EPSTI1: variants seen among roughly 807,000 people sequenced by gnomAD.
EPSTI1 encodes the protein epithelial stromal interaction 1.
A neutral mutation model predicts 49.9 loss-of-function variants in EPSTI1; 66 were observed. The ratio of observed to expected loss-of-function variants is 1.32; its 90% CI spans 1.08 to 1.62. The LOEUF is 1.62. EPSTI1 is among the 40% of genes most tolerant of loss of function. The pLI, the probability that EPSTI1 is intolerant of heterozygous loss-of-function variation, is 0.00. For synonymous variants in EPSTI1, 137 were observed against 130.7 expected (o/e 1.05, Z -0.33); for missense variants, 394 against 365.5 (o/e 1.08, Z -0.64).
chr13:42,973,879 C>T (rs1175201908), intron 1 of EPSTI1, among the ~76,000 whole-genome samples: 1 of 152,096 alleles, frequency 6.6e-6, no homozygotes, highest in Non-Finnish European at 1.5e-5. Flanking sequence ...AATGAGTCTC[C>T]TTAATTACCT....
chr13:42,895,542 C>G (rs1383399453), intron 9 of EPSTI1, among the ~76,000 whole-genome samples: 1 of 152,186 alleles, frequency 6.6e-6, no homozygotes, highest in Non-Finnish European at 1.5e-5. Flanking sequence ...CCTATATTCC[C>G]TGCACTCCAC....
chr13:42,952,229 C>G (rs2039120511), intron 6 of EPSTI1, among the ~76,000 whole-genome samples: 1 of 152,178 alleles, frequency 6.6e-6, no homozygotes, highest in Non-Finnish European at 1.5e-5. Context: ...TGTTTGGGTC[C>G]CCTTCCATGC....
chr13:42,912,067 T>C (rs1296801624), intron 8 of EPSTI1, among the ~76,000 whole-genome samples: 1 of 152,210 alleles, frequency 6.6e-6, no homozygotes, highest in Admixed American at 6.5e-5. Flanking sequence ...ATTTTGACTG[T>C]AAAATCAATG....
At chr13:42,960,455 T>C (rs1434960110) in intron 5 of EPSTI1, among the ~76,000 whole-genome samples, 1 of 152,238 alleles carries the variant, frequency 6.6e-6, no homozygotes, top group African/African-American at 2.4e-5. Flanking sequence ...GCTTTTTTAC[T>C]CTAATGCTCT....
rs780405135 is a variant in EPSTI1 at position 42,917,572 on chromosome 13, A to C, written c.710T>G (p.Leu237Trp). The change falls in exon 8 of 11, where the codon TTG (leucine) becomes TGG (tryptophan). Residue 237 changes from leucine (L) to tryptophan (W), a missense_variant. By Grantham distance (61) the Leu-to-Trp change is moderately conservative. Coordinates refer to ENST00000313624, the MANE Select transcript of EPSTI1 (RefSeq NM_033255.5). The stretch of plus-strand genomic sequence containing the variant: ...ATGTTGTTCATCCTTCATCTTTTGC[A>C]ATTTTCTGTTTTCTTCTGCCTTTAG... The part of the protein sequence containing the change: ...DSLKAEENRK[L>W]QKMKDEQHQK... 6 of 1,481,258 alleles carry C rather than the reference A, an allele frequency of 4.1e-6. No individual in the cohort carries two copies. The highest frequency in any genetic ancestry group is 3.6e-5 in the Admixed American group (2 of 55,198). 91.8% of individuals were successfully genotyped at this position (1,481,258 alleles called of 1,614,324 possible).
At chr13:42,924,500 T>C (rs1010852994) in intron 7 of EPSTI1, among the ~76,000 whole-genome samples, 1 of 152,176 alleles carries the variant, frequency 6.6e-6, no homozygotes, top group African/African-American at 2.4e-5. Flanking sequence ...CATTGCAGGA[T>C]ACAGGGAGCC....
At chr13:42,956,149 C>G (rs1208070454) in intron 5 of EPSTI1, among the ~76,000 whole-genome samples, 1 of 152,134 alleles carries the variant, frequency 6.6e-6, no homozygotes, top group Non-Finnish European at 1.5e-5. Context: ...TATGGATTGT[C>G]AGGAAATGCT....
rs556482862 is a variant in EPSTI1 at position 42,988,499 on chromosome 13, G to A, written c.188+3479C>T. ...TGTAATCCCAGCACTTTGGGAGGCC[G>A]AGGCAGGCAGATCACAAGGTCAGGA... On this transcript the variant is annotated intron_variant, in intron 1 of 10. Transcript: ENST00000313624. 1.3e-4 allele frequency among the ~76,000 whole-genome samples: 20 copies of A among 152,248 alleles called. 1 individual carries two copies. In the South Asian group the frequency reaches 2.9e-3, roughly 22 times the overall value.
intron 3 of EPSTI1, among the ~76,000 whole-genome samples, 175 bp downstream of exon 3, chr13:42,968,919 A>AAAT (rs1417855910): frequency 2.0e-4 from 11 of 54,416 alleles, no homozygotes; most frequent in African/African-American, 7.2e-4. Context: ...AAAAAAAAAA[A>AAAT]ATACACACAC....
intron 7 of EPSTI1, among the ~76,000 whole-genome samples, chr13:42,920,807 G>GT (rs941992258): frequency 6.6e-6 from 1 of 152,064 alleles, no homozygotes; most frequent in Non-Finnish European, 1.5e-5. Flanking sequence ...TCTCTTTGAA[G>GT]TTTTTTTCTG....
chr13:42,981,410 T>G (rs2039984427), intron 1 of EPSTI1, among the ~76,000 whole-genome samples: 1 of 152,220 alleles, frequency 6.6e-6, no homozygotes, highest in South Asian at 2.1e-4. Flanking sequence ...TAATATGTTT[T>G]CAAGCTTTCA....
At chr13:42,989,560 C>CTTT (rs796370183) in intron 1 of EPSTI1, among the ~76,000 whole-genome samples, 2 of 37,030 alleles carry the variant, frequency 5.4e-5, no homozygotes, top group Non-Finnish European at 1.5e-4. Flanking sequence ...ACTTTATCCT[C>CTTT]TTTTTTCTTT....
At chr13:42,907,264 T>C (rs1566105691) in intron 8 of EPSTI1, among the ~76,000 whole-genome samples, 1 of 152,242 alleles carries the variant, frequency 6.6e-6, no homozygotes, top group Non-Finnish European at 1.5e-5. Context: ...CTGCACTCTA[T>C]TTTATGATCT....
chr13:42,936,385 A>C (rs2038564718), intron 6 of EPSTI1, among the ~76,000 whole-genome samples: 1 of 152,202 alleles, frequency 6.6e-6, no homozygotes, highest in Admixed American at 6.5e-5. Flanking sequence ...CAATTCAATC[A>C]AGCTCCAGCC....
At position 42,922,107 on chromosome 13, in the gene EPSTI1, A is replaced by G. The variant is rs996168283; in HGVS notation, c.657+4229T>C. Among the ~76,000 whole-genome samples, 2 of 152,222 alleles carry G rather than the reference A, an allele frequency of 1.3e-5. No individual in the cohort carries two copies. Among genetic ancestry groups the G allele is most frequent in the Admixed American group, 1.3e-4 (2 of 15,278 alleles). On this transcript the variant is annotated intron_variant, in intron 7 of 10. Transcript: ENST00000313624. This position sits in a 1 kb window ranked among gnomAD's most constrained non-coding sequence, Gnocchi z 4.8. ...ATATAGTCATAATAGGGAAAGCTCA[A>G]ATTACTGAATAATTATAAGAATGAG...
intron 9 of EPSTI1, among the ~76,000 whole-genome samples, chr13:42,897,178 C>T (rs1243189205): frequency 6.6e-6 from 1 of 152,010 alleles, no homozygotes; most frequent in Non-Finnish European, 1.5e-5. Flanking sequence ...TCTGCACTTG[C>T]TCTTCCCCTC....
chr13:42,948,255 G>A (rs1202142879), intron 6 of EPSTI1, among the ~76,000 whole-genome samples: 1 of 152,212 alleles, frequency 6.6e-6, no homozygotes, highest in Non-Finnish European at 1.5e-5. Context: ...GCCCTCCTCT[G>A]CATCAAGGCC....
chr13:42,991,869 C>T (rs1256195953), intron 1 of EPSTI1, 109 bp downstream of exon 1: 1 of 1,215,372 alleles, frequency 8.2e-7, no homozygotes, highest in Non-Finnish European at 1.2e-6. Context: ...AGTCAAAATC[C>T]CTGTTGTTGG....
intron 10 of EPSTI1, 113 bp from the exon 11 acceptor site, chr13:42,888,615 A>G: frequency 9.0e-7 from 1 of 1,107,168 alleles, no homozygotes; most frequent in Non-Finnish European, 1.3e-6. Flanking sequence ...AGCTGAAATG[A>G]CCATTTTTTA....
Sources: allele counts gnomAD v4.1 joint callset (sites outside exome capture counted in the v4.1 genomes callset), GRCh38; gene constraint gnomAD v4.1.1; non-coding constraint Gnocchi (gnomAD v3.1); transcripts MANE v1.5; gene names NCBI Gene and HGNC (gene_info 2026-07-23, HGNC 2026-07-21).